Variants in CASD1 observed in about 807,000 individuals in gnomAD.
CASD1 encodes CAS1 domain sialic acid O acetyltransferase 1.
Under a neutral mutation model 100.0 loss-of-function variants are expected in CASD1, and 41 were observed. The observed-to-expected ratio is 0.41, with a 90% CI of 0.32 to 0.53. The LOEUF is 0.53. CASD1 is among the 20% of genes least tolerant of loss of function. The pLI is 0.25. For synonymous variants in CASD1, 321 were observed against 315.6 expected (o/e 1.02, Z -0.18); for missense variants, 774 against 948.7 (o/e 0.82, Z 2.42).
chr7:94,511,743 T>C (rs1169649849), intron 1 of CASD1, among the ~76,000 whole-genome samples: 1 of 152,226 alleles, frequency 6.6e-6, no homozygotes, highest in African/African-American at 2.4e-5. Context: ...CTAAGATAAA[T>C]AAACATCTAG....
the CASD1 span, among the ~76,000 whole-genome samples, chr7:94,607,885 T>G: frequency 1.3e-5 from 2 of 152,364 alleles, no homozygotes; most frequent in South Asian, 4.1e-4. Context: ...TAAAAACTCC[T>G]AAAACTAGTG....
At chr7:94,605,158 A>C in the CASD1 span, among the ~76,000 whole-genome samples, 1 of 152,122 alleles carries the variant, frequency 6.6e-6, no homozygotes, top group Non-Finnish European at 1.5e-5. Context: ...CTGAACAAGC[A>C]TCACACCGGA....
chr7:94,543,109 G>A (rs1488528360), intron 10 of CASD1, among the ~76,000 whole-genome samples: 1 of 152,114 alleles, frequency 6.6e-6, no homozygotes, highest in African/African-American at 2.4e-5. Flanking sequence ...GTAAATAAAA[G>A]AGACTTGACA....
intron 5 of CASD1, among the ~76,000 whole-genome samples, chr7:94,531,664 G>T (rs1794857513): frequency 6.6e-6 from 1 of 151,922 alleles, no homozygotes; most frequent in African/African-American, 2.4e-5. Context: ...GATTTATTTT[G>T]TTATTTTTCT....
At chr7:94,549,862 C>A (rs923053029) in intron 14 of CASD1, among the ~76,000 whole-genome samples, 1 of 151,948 alleles carries the variant, frequency 6.6e-6, no homozygotes, top group African/African-American at 2.4e-5. Context: ...AAAATATTAT[C>A]TATAACATGG....
intron 3 of CASD1, among the ~76,000 whole-genome samples, 161 bp from the exon 4 acceptor site, chr7:94,527,001 G>GT (rs1794603477): frequency 1.3e-5 from 2 of 152,070 alleles, no homozygotes; most frequent in East Asian, 1.9e-4. Context: ...TTCTATGTCG[G>GT]TTTTTTCCCT....
Position 94,535,470 on chromosome 7 carries a change from A to G in CASD1, c.790A>G (p.Thr264Ala). ...TGTTTCCAAATTAATTGCTCAAGAAACCATCATGGAATCTTTGGATGGCTT... is the reference window on the plus strand; with the variant it reads ...TGTTTCCAAATTAATTGCTCAAGAAGCCATCATGGAATCTTTGGATGGCTT... Reference protein sequence around the residue: ...FSVSKLIAQETIMESLDGLHL... With the variant: ...FSVSKLIAQEAIMESLDGLHL... The change falls in exon 8 of 18, where the codon ACC becomes GCC. Residue 264 changes from threonine (T) to alanine (A), a missense_variant. This residue lies in a region of CASD1 where 453 missense variants were observed against 532.6 expected (regional missense o/e 0.85). Transcript: ENST00000297273. 2 of 1,613,732 alleles carry G rather than the reference A, an allele frequency of 1.2e-6. No homozygotes were observed. Among genetic ancestry groups the G allele is most frequent in the South Asian group, 1.1e-5 (1 of 91,070 alleles).
chr7:94,570,880 G>T, the CASD1 span, among the ~76,000 whole-genome samples: 1 of 152,142 alleles, frequency 6.6e-6, no homozygotes, highest in Admixed American at 6.5e-5. Context: ...ATTTGCTGAT[G>T]TATTTAACTT....
intron 3 of CASD1, among the ~76,000 whole-genome samples, chr7:94,522,209 C>T (rs531503046): frequency 6.6e-6 from 1 of 152,104 alleles, no homozygotes; most frequent in Non-Finnish European, 1.5e-5. Flanking sequence ...CTTAAAAAGA[C>T]ATATTTAAAA....
chr7:94,528,337 C>T, intron 5 of CASD1, 87 bp downstream of exon 5: 1 of 914,530 alleles, frequency 1.1e-6, no homozygotes, highest in Non-Finnish European at 1.6e-6. Flanking sequence ...ACTCACTTGT[C>T]CCACTCTCCT....
chr7:94,551,146 G>C (rs2116413809), intron 14 of CASD1, among the ~76,000 whole-genome samples, 192 bp from the exon 15 acceptor site: 2 of 152,008 alleles, frequency 1.3e-5, no homozygotes, highest in South Asian at 4.2e-4. Flanking sequence ...CTTGTCTATT[G>C]CTGATGGTTT....
At chr7:94,603,786 G>A in the CASD1 span, among the ~76,000 whole-genome samples, 1 of 151,936 alleles carries the variant, frequency 6.6e-6, no homozygotes, top group Non-Finnish European at 1.5e-5. Flanking sequence ...ACTATATTTA[G>A]TAGATATTTA....
the CASD1 span, among the ~76,000 whole-genome samples, chr7:94,615,780 C>A: frequency 6.6e-6 from 1 of 152,174 alleles, no homozygotes; most frequent in African/African-American, 2.4e-5. Flanking sequence ...ACCATTTACA[C>A]TACATCACTC....
the CASD1 span, chr7:94,587,030 TAACTA>T: frequency 1.0e-6 from 1 of 984,174 alleles, no homozygotes; most frequent in Non-Finnish European, 1.2e-6. Context: ...GCTCTAGTGT[TAACTA>T]AAAAGGAGAG....
chr7:94,545,480 T>G, intron 11 of CASD1, 65 bp from the exon 12 acceptor site: 4 of 1,282,158 alleles, frequency 3.1e-6, no homozygotes, highest in Non-Finnish European at 4.4e-6. Context: ...GCCTTTGCTG[T>G]TCGTGTGTAC....
intron 14 of CASD1, among the ~76,000 whole-genome samples, chr7:94,549,929 C>T (rs139506706): frequency 2.8e-3 from 432 of 152,032 alleles, no homozygotes; most frequent in African/African-American, 9.8e-3. Flanking sequence ...TATGCTTCAG[C>T]CATTCAAAAC....
intron 10 of CASD1, among the ~76,000 whole-genome samples, chr7:94,543,603 C>T (rs775664639): frequency 6.6e-6 from 1 of 151,272 alleles, no homozygotes; most frequent in South Asian, 2.1e-4. Flanking sequence ...TGCAGTGAGC[C>T]GAGATCACGC....
intron 14 of CASD1, 110 bp downstream of exon 14, chr7:94,549,744 T>G (rs1795854306): frequency 2.5e-6 from 2 of 813,786 alleles, no homozygotes; most frequent in Non-Finnish European, 3.8e-6. Flanking sequence ...AGATGTTGAT[T>G]TAGTAAATCA....
At chr7:94,534,777 CATT>C (rs1294188510) in intron 7 of CASD1, among the ~76,000 whole-genome samples, 7 of 152,138 alleles carry the variant, frequency 4.6e-5, no homozygotes, top group Admixed American at 3.3e-4. Flanking sequence ...TTCACAGACT[CATT>C]GTTAACCTTT....
Sources: gnomAD v4.1 joint callset for allele counts (sites outside exome capture counted in the v4.1 genomes callset) on GRCh38, gnomAD v4.1.1 for gene constraint, gnomAD v4.1.1 regional missense constraint, MANE v1.5 for transcripts, NCBI Gene and HGNC (gene_info 2026-07-23, HGNC 2026-07-21) for gene names.